The following STRBP variants were observed in gnomAD, a reference collection of about 807,000 sequenced individuals.
STRBP encodes the protein spermatid perinuclear RNA-binding protein.
In STRBP, 13 loss-of-function variants were observed where a neutral mutation model predicts 80.1. The ratio of observed to expected loss-of-function variants is 0.16; its 90% CI spans 0.11 to 0.26. The LOEUF is 0.26. Ranked by LOEUF, STRBP falls within the 10% of genes least tolerant of loss-of-function variation. The probability of loss-of-function intolerance (pLI) is 1.00; values close to 1 mark genes in which losing one functional copy is unlikely to be tolerated. For missense variants in STRBP, 485 were observed against 815.2 expected (o/e 0.59, Z 4.93); for synonymous variants, 284 against 291.2 (o/e 0.98, Z 0.25).
chr9:123,250,934 C>T (rs2040900414), intron 1 of STRBP, among the ~76,000 whole-genome samples: 1 of 152,022 alleles, frequency 6.6e-6, no homozygotes, highest in Admixed American at 6.5e-5. Context: ...GGTGACAAAA[C>T]GAGACCCCAT....
rs2035887305 is a variant in STRBP, at chr9:123,126,213, T to C, written c.1943-540A>G. Among the ~76,000 whole-genome samples the C allele has an allele frequency of 6.6e-6, 1 of 152,274 alleles. No homozygotes were observed. The highest frequency in any genetic ancestry group is 6.5e-5 in the Admixed American group (1 of 15,284). The stretch of plus-strand genomic sequence containing the variant: ...ACGTTCTTGTGGCCTCACAGACTTC[T>C]GCATAGTCGAGCATGATTTGAAATC... On this transcript the variant is annotated intron_variant, in intron 18 of 18. Coordinates refer to ENST00000348403, the MANE Select transcript of STRBP (RefSeq NM_018387.5). This position sits in a 1 kb window ranked among gnomAD's most constrained non-coding sequence, Gnocchi z 4.4.
chr9:123,211,092 G>C (rs2039692682), intron 2 of STRBP, among the ~76,000 whole-genome samples: 1 of 152,138 alleles, frequency 6.6e-6, no homozygotes. Context: ...ATATTAGAAT[G>C]TTCATAGCAA....
At chr9:123,204,687 G>C (rs1185873031) in intron 2 of STRBP, among the ~76,000 whole-genome samples, 2 of 152,028 alleles carry the variant, frequency 1.3e-5, no homozygotes, top group Non-Finnish European at 2.9e-5. Context: ...GGAGGCCGAA[G>C]TGGGTGGATC....
At chr9:123,209,990 C>T (rs776763562) in intron 2 of STRBP, among the ~76,000 whole-genome samples, 1 of 152,098 alleles carries the variant, frequency 6.6e-6, no homozygotes, top group Non-Finnish European at 1.5e-5. Context: ...TATTCAGATA[C>T]TTGTATTCAA....
chr9:123,122,401 T>TG lies in STRBP; in HGVS notation c.*3195dup. ...GTATTCCCAGCTCTTCAATTAATAA[T>TG]GGTGGCTGATTCATGATTTTCAAAC... On this transcript the variant is annotated 3_prime_UTR_variant, in exon 19 of 19. Transcript: ENST00000348403. 1.6e-6 allele frequency: 2 copies of TG among 1,230,552 alleles called. No homozygotes were observed. Among genetic ancestry groups the TG allele is most frequent in the Non-Finnish European group, 2.1e-6 (2 of 963,464 alleles). 76.2% of individuals were successfully genotyped at this position (1,230,552 alleles called of 1,614,324 possible).
chr9:123,114,972 A>G (rs950197307), intron 3 of STRBP: 3 of 348,098 alleles, frequency 8.6e-6, no homozygotes, highest in Non-Finnish European at 1.8e-5. Context: ...GCCAATGGCA[A>G]CAGCCTCTTG....
chr9:123,162,230 CT>C (rs60242197), intron 6 of STRBP, among the ~76,000 whole-genome samples: 92,676 of 146,506 alleles, frequency 0.63, 34,685 homozygotes, highest in Non-Finnish European at 0.86. Context: ...TGGTTTTTTT[CT>C]TTTTTTTTTT....
intron 3 of STRBP, among the ~76,000 whole-genome samples, chr9:123,183,662 A>G (rs904675732): frequency 2.0e-5 from 3 of 152,186 alleles, no homozygotes; most frequent in African/African-American, 7.2e-5. Flanking sequence ...TGCCCCTACT[A>G]TACTCAGCAC....
intron 2 of STRBP, among the ~76,000 whole-genome samples, chr9:123,205,701 T>G (rs1259917736): frequency 6.6e-6 from 1 of 152,238 alleles, no homozygotes; most frequent in Non-Finnish European, 1.5e-5. Context: ...ATAAGTACAT[T>G]AGATCCTTCA....
chr9:123,172,084 T>C lies in STRBP; in HGVS notation c.390+1593A>G, dbSNP rs1478248333. Reference sequence around the variant, plus strand: ...TGTCTTCAAAACAGGAGAGATGTGATAGATTTTCTGAATAAAAACTCCGAT... The same window carrying C: ...TGTCTTCAAAACAGGAGAGATGTGACAGATTTTCTGAATAAAAACTCCGAT... On this transcript the variant is annotated intron_variant, in intron 5 of 18. Coordinates refer to ENST00000348403, the MANE Select transcript of STRBP (RefSeq NM_018387.5). Among the ~76,000 whole-genome samples the C allele has an allele frequency of 4.6e-5, 7 of 152,224 alleles. No homozygotes were observed. In the South Asian group the frequency reaches 1.4e-3, roughly 31 times the overall value.
At chr9:123,142,862 A>C (rs959693106) in intron 13 of STRBP, among the ~76,000 whole-genome samples, 9 of 152,186 alleles carry the variant, frequency 5.9e-5, no homozygotes, top group Non-Finnish European at 1.2e-4. Context: ...GTGAATTTCA[A>C]GTATCTGGCA....
At chr9:123,188,033 C>T (rs1475398894) in intron 2 of STRBP, among the ~76,000 whole-genome samples, 2 of 152,020 alleles carry the variant, frequency 1.3e-5, no homozygotes, top group Non-Finnish European at 2.9e-5. Flanking sequence ...CCCACCTTCC[C>T]CACCCCCAAG....
At chr9:123,111,343 G>C (rs1020473489) in intron 3 of STRBP, 3 of 266,432 alleles carry the variant, frequency 1.1e-5, no homozygotes, top group South Asian at 7.6e-5. Context: ...TAAATTACAG[G>C]TGGAGACGGA....
intron 2 of STRBP, among the ~76,000 whole-genome samples, chr9:123,223,184 A>G (rs1588125601): frequency 6.6e-6 from 1 of 152,198 alleles, no homozygotes; most frequent in Admixed American, 6.5e-5. Context: ...GACAATAAAA[A>G]TATCAATAGT....
rs1455619834 is a variant in STRBP, at chr9:123,110,271, A to G, written c.*85-518T>C. The G allele has an allele frequency of 6.5e-6, 1 of 153,280 alleles. No individual in the cohort carries two copies. The highest frequency in any genetic ancestry group is 2.4e-5 in the African/African-American group (1 of 41,554). 9.5% of individuals were successfully genotyped at this position (153,280 alleles called of 1,614,324 possible). Reference sequence around the variant, plus strand: ...CTACACGGCGGGTAAACCAGGACACACAGGCATGGGGCTGCAGGGCTAACG... The same window carrying G: ...CTACACGGCGGGTAAACCAGGACACGCAGGCATGGGGCTGCAGGGCTAACG... On this transcript the variant is annotated intron_variant and NMD_transcript_variant, in intron 3 of 3. Transcript: ENST00000471564. This position sits in a 1 kb window ranked among gnomAD's most constrained non-coding sequence, Gnocchi z 4.1.
downstream of STRBP, among the ~76,000 whole-genome samples, chr9:123,120,687 T>G (rs2035719580): frequency 6.6e-6 from 1 of 152,164 alleles, no homozygotes; most frequent in Non-Finnish European, 1.5e-5. Flanking sequence ...AATTAACCAC[T>G]TTGTCCTTTG....
intron 6 of STRBP, among the ~76,000 whole-genome samples, chr9:123,167,670 G>C (rs2037827328): frequency 6.6e-6 from 1 of 151,728 alleles, no homozygotes; most frequent in African/African-American, 2.4e-5. Flanking sequence ...AAGGAAGTAA[G>C]ATGTGTAAAA....
In STRBP at chr9:123,252,513, T is replaced by C. The variant is rs982518884; in HGVS notation, c.-301-15547A>G. ...CCACTAGGTCAAAACAGAAAAGCAA[T>C]GTGTAATATTTGAGCCAAGCTACAA... On this transcript the variant is annotated intron_variant, in intron 1 of 18. Coordinates refer to ENST00000348403, the MANE Select transcript of STRBP (RefSeq NM_018387.5). Among the ~76,000 whole-genome samples the C allele has an allele frequency of 7.2e-5, 11 of 152,280 alleles. No individual in the cohort carries two copies. In the East Asian group the frequency reaches 7.7e-4, roughly 11 times the overall value.
intron 1 of STRBP, among the ~76,000 whole-genome samples, chr9:123,257,657 ATT>A (rs550215205): frequency 6.8e-4 from 103 of 152,150 alleles, no homozygotes; most frequent in African/African-American, 2.1e-3. Context: ...CTACAAAATA[ATT>A]TGTTTTTAAT....
Sources: gnomAD v4.1 joint callset for allele counts (sites outside exome capture counted in the v4.1 genomes callset) on GRCh38, gnomAD v4.1.1 for gene constraint, Gnocchi (gnomAD v3.1) non-coding constraint, MANE v1.5 for transcripts, NCBI Gene and HGNC (gene_info 2026-07-23, HGNC 2026-07-21) for gene names.